The following PTPN5 variants were observed in gnomAD, a reference collection of about 807,000 sequenced individuals.
The protein encoded by PTPN5 is protein tyrosine phosphatase non-receptor type 5.
PTPN5 carries 29 observed loss-of-function variants against 73.9 expected under a neutral mutation model. That is an observed-to-expected ratio of 0.39 (90% CI 0.29 to 0.54). The LOEUF (loss-of-function observed/expected upper bound fraction) is 0.54, where lower values mean the gene tolerates loss of function less well. PTPN5 is among the 20% of genes least tolerant of loss of function. The pLI, the probability that PTPN5 is intolerant of heterozygous loss-of-function variation, is 0.65. For synonymous variants in PTPN5, 267 were observed against 304.7 expected, an observed-to-expected ratio of 0.88 and a Z score of 1.29; for missense variants, 652 against 751.4, an observed-to-expected ratio of 0.87 and a Z score of 1.55.
chr11:18,752,902 CTCATT>C (rs934056470), intron 3 of PTPN5, among the ~76,000 whole-genome samples: 27 of 152,324 alleles, frequency 1.8e-4, no homozygotes, highest in Admixed American at 1.0e-3. Flanking sequence ...GCTCCATCCT[CTCATT>C]TCAAAGATGA....
chr11:18,743,288 C>G (rs775160655), intron 5 of PTPN5, 34 bp downstream of exon 5: 12 of 1,600,244 alleles, frequency 7.5e-6, no homozygotes, highest in Admixed American at 1.7e-5. Context: ...CCAACAGATC[C>G]CTGCTACCCT....
At chr11:18,751,260 C>T (rs964339303) in intron 3 of PTPN5, among the ~76,000 whole-genome samples, 1 of 152,182 alleles carries the variant, frequency 6.6e-6, no homozygotes, top group Non-Finnish European at 1.5e-5. Flanking sequence ...ATATATGGTG[C>T]TGAAGAGCAG....
intron 3 of PTPN5, among the ~76,000 whole-genome samples, chr11:18,754,596 C>T (rs2134262225): frequency 6.6e-6 from 1 of 152,302 alleles, no homozygotes; most frequent in East Asian, 1.9e-4. Context: ...ACTCAGAGGG[C>T]CCACTCTCTC....
At chr11:18,762,476 T>C (rs1375041480) in intron 3 of PTPN5, among the ~76,000 whole-genome samples, 1 of 152,072 alleles carries the variant, frequency 6.6e-6, no homozygotes, top group Non-Finnish European at 1.5e-5. Flanking sequence ...TGTGGAAGTC[T>C]ACTCTACACC....
chr11:18,738,260 C>G (rs1244143097), intron 8 of PTPN5, among the ~76,000 whole-genome samples: 5 of 152,176 alleles, frequency 3.3e-5, no homozygotes, highest in Non-Finnish European at 7.3e-5. Flanking sequence ...GTGACCTGGC[C>G]AATGGCTGCC....
rs747682919 is a variant in PTPN5 at position 18,729,035 on chromosome 11, G to A, written c.1605-8C>T. ...GTCTGGATCATGCCGCCCCTGCCCGGCAGAGATGCACAGTGGGGGCAGGGT... is the reference window on the plus strand; with the variant it reads ...GTCTGGATCATGCCGCCCCTGCCCGACAGAGATGCACAGTGGGGGCAGGGT... On this transcript the variant is annotated splice_region_variant and splice_polypyrimidine_tract_variant and intron_variant, in intron 14 of 14. Transcript: ENST00000358540. This position sits in a 1 kb window ranked among gnomAD's most constrained non-coding sequence, Gnocchi z 5.2. 1 of 1,613,298 alleles carries A rather than the reference G, an allele frequency of 6.2e-7. No individual in the cohort carries two copies.
Position 18,787,323 on chromosome 11 carries a change from ATT to A in PTPN5, c.-114+4200_-114+4201del, listed in dbSNP as rs550969620. On this transcript the variant is annotated intron_variant, in intron 1 of 14. Transcript: ENST00000358540. ...ACATAAATGGTCATTTCCAACATTC[ATT>A]CATTCATTCATTCATTCACTCATTC... 3.3e-4 allele frequency among the ~76,000 whole-genome samples: 50 copies of A among 152,304 alleles called. 4 individuals are homozygous for A. In the South Asian group the frequency reaches 1.0e-2, roughly 30 times the overall value.
intron 2 of PTPN5, among the ~76,000 whole-genome samples, chr11:18,767,057 A>G (rs1468876508): frequency 6.6e-6 from 1 of 152,172 alleles, no homozygotes; most frequent in Non-Finnish European, 1.5e-5. Context: ...AAATCCCCAC[A>G]TTTTAGCTTA....
intron 1 of PTPN5, among the ~76,000 whole-genome samples, chr11:18,781,203 A>G (rs932417046): frequency 3.4e-4 from 50 of 148,004 alleles, no homozygotes; most frequent in African/African-American, 1.3e-3. Context: ...GCACTCATCC[A>G]TGCCACTTCC....
At position 18,791,556 on chromosome 11, in the gene PTPN5, A is replaced by T. The variant is rs1362314358; in HGVS notation, c.-145T>A. The T allele has an allele frequency of 1.3e-5, 2 of 153,310 alleles. No homozygotes were observed. Among genetic ancestry groups the T allele is most frequent in the Non-Finnish European group, 2.9e-5 (2 of 69,054 alleles). The allele number at this position is 153,310 out of a possible 1,614,324, so 9.5% of individuals were successfully genotyped here. Reference sequence around the variant, plus strand: ...GAGCGGGCTCCGGGCGCCGGCGAGCAGGCGGGCAGGCTGGCGGGAGGATGC... The same window carrying T: ...GAGCGGGCTCCGGGCGCCGGCGAGCTGGCGGGCAGGCTGGCGGGAGGATGC... On this transcript the variant is annotated 5_prime_UTR_variant, in exon 1 of 15. Coordinates refer to ENST00000358540, the MANE Select transcript of PTPN5 (RefSeq NM_006906.2).
chr11:18,745,567 A>G (rs935592310), intron 3 of PTPN5, among the ~76,000 whole-genome samples: 1 of 152,078 alleles, frequency 6.6e-6, no homozygotes, highest in Non-Finnish European at 1.5e-5. Flanking sequence ...CACTTTGCCA[A>G]GGTAACACCT....
At position 18,744,103 on chromosome 11, in the gene PTPN5, G is replaced by T. The variant is rs753367292; in HGVS notation, c.194C>A (p.Pro65His). 1 of 1,611,732 alleles carries T rather than the reference G, an allele frequency of 6.2e-7. No homozygotes were observed. The highest frequency in any genetic ancestry group is 1.7e-5 in the Admixed American group (1 of 59,492). Residue 65 changes from proline (P) to histidine (H), a missense_variant, in exon 4 of 15, where the codon CCC (proline) becomes CAC (histidine). Physicochemically the swap from Pro to His is moderately conservative, Grantham distance 77. This residue lies in a region of PTPN5 where 529 missense variants were observed against 573.9 expected (regional missense o/e 0.92). Coordinates refer to ENST00000358540, the MANE Select transcript of PTPN5 (RefSeq NM_006906.2). ...TGGTGGCTTCTGAGCTGGATCTGAG[G>T]GCGGCGAGGGAGGAGGGGGTGGCGG... Reference protein sequence around the residue: ...EMPPPPPPSPPSDPAQKPPPR... With the variant: ...EMPPPPPPSPHSDPAQKPPPR...
At chr11:18,774,517 AGGAGGGGGCT>A (rs1217906855) in intron 1 of PTPN5, among the ~76,000 whole-genome samples, 1 of 152,178 alleles carries the variant, frequency 6.6e-6, no homozygotes, top group Admixed American at 6.5e-5. Context: ...TACTCTGAGG[AGGAGGGGGCT>A]GGAGGGGGCT....
At chr11:18,735,601 A>C (rs1849077595) in intron 9 of PTPN5, among the ~76,000 whole-genome samples, 1 of 151,914 alleles carries the variant, frequency 6.6e-6, no homozygotes, top group African/African-American at 2.4e-5. Flanking sequence ...GGATCACTTG[A>C]GGTCAGGAGT....
chr11:18,751,341 T>G (rs957868716), intron 3 of PTPN5, among the ~76,000 whole-genome samples: 1 of 152,238 alleles, frequency 6.6e-6, no homozygotes, highest in Non-Finnish European at 1.5e-5. Flanking sequence ...GATTATCTCC[T>G]GCCTTAAAGA....
At chr11:18,754,461 G>A (rs553596325) in intron 3 of PTPN5, among the ~76,000 whole-genome samples, 2 of 152,260 alleles carry the variant, frequency 1.3e-5, no homozygotes, top group African/African-American at 2.4e-5. Context: ...TACAGGGAGA[G>A]GGGAATTCCA....
intron 1 of PTPN5, among the ~76,000 whole-genome samples, chr11:18,787,006 A>C (rs1031747386): frequency 2.6e-5 from 4 of 152,208 alleles, no homozygotes; most frequent in Admixed American, 6.5e-5. Context: ...AGAAGGATGT[A>C]TATTTGTGCG....
chr11:18,742,605 T>C lies in PTPN5; in HGVS notation c.484-102A>G. The C allele has an allele frequency of 3.3e-6, 5 of 1,507,516 alleles. No individual in the cohort carries two copies. The highest frequency in any genetic ancestry group is 4.4e-6 in the Non-Finnish European group (5 of 1,125,696). The allele number at this position is 1,507,516 out of a possible 1,614,324, so 93.4% of individuals were successfully genotyped here. A position where few individuals can be genotyped will look rare whatever the true frequency, so the allele number is the denominator to read the frequency against. On this transcript the variant is annotated intron_variant, in intron 6 of 14. Transcript: ENST00000358540. The surrounding 1 kb of genome is among the most constrained non-coding windows in gnomAD (Gnocchi z 4.1). ...GACGCCCCCCCACTCCCTCAGTGTGTCTAGAGCAGCTCTGCTCTCCTGGGA... is the reference window on the plus strand; with the variant it reads ...GACGCCCCCCCACTCCCTCAGTGTGCCTAGAGCAGCTCTGCTCTCCTGGGA...
intron 1 of PTPN5, among the ~76,000 whole-genome samples, chr11:18,787,805 T>A (rs1170184294): frequency 6.6e-6 from 1 of 152,214 alleles, no homozygotes. Flanking sequence ...CTGTCTCCCC[T>A]GGTAGAGCTT....
Sources: allele counts gnomAD v4.1 joint callset (sites outside exome capture counted in the v4.1 genomes callset), GRCh38; gene constraint gnomAD v4.1.1; regional missense constraint gnomAD v4.1.1; non-coding constraint Gnocchi (gnomAD v3.1); transcripts MANE v1.5; gene names NCBI Gene and HGNC (gene_info 2026-07-23, HGNC 2026-07-21).